The following CCDC7 variants were observed in gnomAD, a reference collection of about 807,000 sequenced individuals.
The protein encoded by CCDC7 is coiled-coil domain-containing protein 7.
In CCDC7, 183 loss-of-function variants were observed where a neutral mutation model predicts 196.9. That is an observed-to-expected ratio of 0.93 (90% CI 0.82 to 1.05). The LOEUF (loss-of-function observed/expected upper bound fraction) is 1.05. CCDC7 is among the 50% of genes least tolerant of loss of function. CCDC7 has a pLI of 0.00. For synonymous variants in CCDC7, 525 were observed against 484.6 expected, an observed-to-expected ratio of 1.08 and a Z score of -1.10; for missense variants, 1,540 against 1,482.2, an observed-to-expected ratio of 1.04 and a Z score of -0.64.
At position 32,518,404 on chromosome 10, in the gene CCDC7, A is replaced by G. The variant is rs1168712050; in HGVS notation, c.904-12A>G. The G allele has an allele frequency of 1.3e-6, 2 of 1,579,650 alleles. No homozygotes were observed. Among genetic ancestry groups the G allele is most frequent in the Non-Finnish European group, 1.7e-6 (2 of 1,167,828 alleles). On this transcript the variant is annotated splice_polypyrimidine_tract_variant and intron_variant, in intron 10 of 41. Transcript: ENST00000639629. ...TTTACTCTTCATTATTACTAAAATT[A>G]TTTGTTTTTAGGAATACAAACAGAT... is the stretch of plus-strand genomic sequence containing the variant.
chr10:32,492,047 G>A, intron 9 of CCDC7, 50 bp downstream of exon 10: 4 of 1,468,244 alleles, frequency 2.7e-6, no homozygotes, highest in Non-Finnish European at 3.6e-6. Flanking sequence ...TTTAAAAAAA[G>A]ACAGATAAAA....
chr10:32,451,624 A>C, upstream of CCDC7: 1 of 1,550,516 alleles, frequency 6.4e-7, no homozygotes, highest in African/African-American at 1.4e-5. Flanking sequence ...TGTAATTTGG[A>C]AGCCAAGTCA....
chr10:32,712,497 T>C (rs1226034732), intron 25 of CCDC7, among the ~76,000 whole-genome samples: 2 of 152,142 alleles, frequency 1.3e-5, no homozygotes, highest in African/African-American at 4.8e-5. Flanking sequence ...TCCTTTTGGG[T>C]AGTGTCCTTG....
At chr10:32,694,413 T>C (rs1464347239) in intron 23 of CCDC7, among the ~76,000 whole-genome samples, 1 of 152,246 alleles carries the variant, frequency 6.6e-6, no homozygotes, top group Non-Finnish European at 1.5e-5. Flanking sequence ...GGTTTCATTA[T>C]GTGTCATTTT....
intron 29 of CCDC7, among the ~76,000 whole-genome samples, chr10:32,788,068 G>A (rs562575903): frequency 1.1e-4 from 16 of 152,238 alleles, no homozygotes; most frequent in African/African-American, 3.4e-4. Context: ...GCCACCACCT[G>A]CAAACCAACA....
intron 29 of CCDC7, among the ~76,000 whole-genome samples, chr10:32,791,386 AAC>A (rs1353259470): frequency 6.6e-6 from 1 of 152,160 alleles, no homozygotes; most frequent in African/African-American, 2.4e-5. Context: ...ACACCAAAGA[AAC>A]AGAAATTTCC....
chr10:32,492,220 G>A (rs571704763), intron 9 of CCDC7, among the ~76,000 whole-genome samples: 1 of 152,192 alleles, frequency 6.6e-6, no homozygotes, highest in East Asian at 1.9e-4. Flanking sequence ...TACATGGAAA[G>A]TTATAAACAT....
chr10:32,606,246 G>C (rs930357283), intron 18 of CCDC7, among the ~76,000 whole-genome samples: 1 of 152,222 alleles, frequency 6.6e-6, no homozygotes, highest in African/African-American at 2.4e-5. Flanking sequence ...GGCAGCCTCT[G>C]CCTAGGTTTC....
intron 9 of CCDC7, among the ~76,000 whole-genome samples, chr10:32,492,738 G>C (rs2042339774): frequency 6.6e-6 from 1 of 152,072 alleles, no homozygotes; most frequent in Non-Finnish European, 1.5e-5. Flanking sequence ...AGTTTTACAT[G>C]AGGAGAAGAG....
At chr10:32,697,326 G>A (rs113766630) in intron 24 of CCDC7, among the ~76,000 whole-genome samples, 1,930 of 152,272 alleles carry the variant, frequency 0.013, 47 homozygotes, top group African/African-American at 0.045. Context: ...ACTGGGACTG[G>A]TTGGACAGTG....
At chr10:32,683,638 A>G (rs1279192265) in intron 21 of CCDC7, among the ~76,000 whole-genome samples, 1 of 152,162 alleles carries the variant, frequency 6.6e-6, no homozygotes, top group East Asian at 1.9e-4. Context: ...TCTTTGTGTC[A>G]TCTCTGATTT....
At chr10:32,604,558 A>G (rs1001870338) in intron 18 of CCDC7, among the ~76,000 whole-genome samples, 35 of 152,142 alleles carry the variant, frequency 2.3e-4, no homozygotes, top group African/African-American at 8.2e-4. Context: ...GTCAGTGAGC[A>G]TGAGATGTTC....
At chr10:32,812,915 A>G (rs1428384553) in intron 30 of CCDC7, among the ~76,000 whole-genome samples, 6 of 152,166 alleles carry the variant, frequency 3.9e-5, no homozygotes, top group African/African-American at 1.2e-4. Context: ...TTGAGTCGCT[A>G]TATCTCTTAT....
chr10:32,827,302 C>T (rs1406128846), intron 32 of CCDC7, among the ~76,000 whole-genome samples: 1 of 152,200 alleles, frequency 6.6e-6, no homozygotes, highest in Non-Finnish European at 1.5e-5. Flanking sequence ...GAGACTAACA[C>T]TGAGCCCTCT....
At chr10:32,594,910 G>A (rs935043537) in intron 18 of CCDC7, among the ~76,000 whole-genome samples, 15 of 152,104 alleles carry the variant, frequency 9.9e-5, no homozygotes, top group Non-Finnish European at 2.1e-4. Context: ...CAACTTGATC[G>A]TGGTGGATAA....
In CCDC7 at chr10:32,713,213, A is replaced by G. The variant is rs530860417; in HGVS notation, c.2569+1483A>G. On this transcript the variant is annotated intron_variant, in intron 25 of 41. Transcript: ENST00000639629. The stretch of plus-strand genomic sequence containing the variant: ...GATCTACCCCATAGTTGGTTTAGAA[A>G]GAGGTCCTGTTTGTGGTGACCTCAG... 3.3e-5 allele frequency among the ~76,000 whole-genome samples: 5 copies of G among 152,384 alleles called. No homozygotes were observed. In the South Asian group the frequency reaches 1.0e-3, roughly 32 times the overall value.
At chr10:32,564,705 T>G (rs1392002138) in intron 13 of CCDC7, among the ~76,000 whole-genome samples, 1 of 151,974 alleles carries the variant, frequency 6.6e-6, no homozygotes, top group South Asian at 2.1e-4. Flanking sequence ...AATGCTATAA[T>G]GACGAGTTAA....
At chr10:32,870,011 T>C (rs879772768) in intron 41 of CCDC7, among the ~76,000 whole-genome samples, 78 of 152,230 alleles carry the variant, frequency 5.1e-4, no homozygotes, top group Non-Finnish European at 9.0e-4. Flanking sequence ...TGTAGTATAG[T>C]TGGAAGTCAG....
Position 32,851,936 on chromosome 10 carries a change from AT to A in CCDC7, c.4021+9del. ...TTACTGAATCAACTCCCTTCAGGTA[AT>A]TTTTAATATTTTTAGTGTACAGTGT... is the stretch of plus-strand genomic sequence containing the variant. On this transcript the variant is annotated splice_donor_5th_base_variant and intron_variant, in intron 40 of 41. Transcript: ENST00000639629. 1 of 1,583,960 alleles carries A rather than the reference AT, an allele frequency of 6.3e-7. No individual in the cohort carries two copies. Among genetic ancestry groups the A allele is most frequent in the African/African-American group, 1.4e-5 (1 of 73,066 alleles).
Sources: gnomAD v4.1 joint callset for allele counts (sites outside exome capture counted in the v4.1 genomes callset) on GRCh38, gnomAD v4.1.1 for gene constraint, MANE v1.5 for transcripts, NCBI Gene and HGNC (gene_info 2026-07-23, HGNC 2026-07-21) for gene names.